Variants in CCDC142 observed in about 807,000 individuals in gnomAD.
CCDC142 encodes the protein coiled-coil domain containing 142, also known as coiled-coil domain-containing protein 142.
A neutral mutation model predicts 83.8 loss-of-function variants in CCDC142; 67 were observed. That is an observed-to-expected ratio of 0.80 (90% CI 0.66 to 0.98). The LOEUF is 0.98. CCDC142 is among the 50% of genes least tolerant of loss of function. CCDC142 has a pLI of 0.00. For missense variants in CCDC142, 905 were observed against 946.8 expected (o/e 0.96, Z 0.58); for synonymous variants, 421 against 421.2 (o/e 1.00, Z 0.01).
rs1327648553 is a variant in CCDC142, at chr2:74,474,561, G to T, written c.2238C>A (p.Thr746=). The T allele has an allele frequency of 1.9e-6, 3 of 1,612,968 alleles. No individual in the cohort carries two copies. The highest frequency in any genetic ancestry group is 2.5e-6 in the Non-Finnish European group (3 of 1,179,594). The change falls in exon 9 of 9, where the codon ACC becomes ACA. Residue 746 remains threonine (T), a synonymous_variant. Transcript: ENST00000393965. ...CCCAGGCTCCTTAGGATTCAGGACT[G>T]GTTCCCAGGCAGGAAAAAAACGGCA... ...WHLPFFSCLG[T]SPES is the part of the protein sequence containing the mutation.
rs1373652802 is a variant in CCDC142 at position 74,473,967 on chromosome 2, T to A, written c.*579A>T. On this transcript the variant is annotated 3_prime_UTR_variant, in exon 9 of 9. Coordinates refer to ENST00000393965, the MANE Select transcript of CCDC142 (RefSeq NM_001365575.2). ...TTGTATTTTTAGTAGAGACGGGGTT[T>A]CTCCATGTTGGTCAGGCTGGTCTGG... 1 of 151,604 alleles carries A rather than the reference T, an allele frequency of 6.6e-6. No individual in the cohort carries two copies. The highest frequency in any genetic ancestry group is 1.5e-5 in the Non-Finnish European group (1 of 68,066). 9.4% of individuals were successfully genotyped at this position (151,604 alleles called of 1,614,324 possible).
chr2:74,481,873 C>T lies in CCDC142; in HGVS notation c.965G>A (p.Gly322Glu), dbSNP rs1315117379. 1 of 1,614,042 alleles carries T rather than the reference C, an allele frequency of 6.2e-7. No individual in the cohort carries two copies. Among genetic ancestry groups the T allele is most frequent in the East Asian group, 2.2e-5 (1 of 44,880 alleles). ...ACAQSLDLNL[G>E]PWRDPRATAQ... is the part of the protein sequence containing the mutation. ...TGTTGCCCTGGGGTCCCTCCAGGGT[C>T]CCAGATTTAGGTCCAGACTCTGAGC... is the stretch of plus-strand genomic sequence containing the variant. Residue 322 changes from glycine (G) to glutamate (E), a missense_variant, in exon 1 of 9, where the codon GGA becomes GAA. Coordinates refer to ENST00000393965, the MANE Select transcript of CCDC142 (RefSeq NM_001365575.2).
chr2:74,482,840 G>T lies in CCDC142; in HGVS notation c.-3C>A, dbSNP rs375612211. ...CCTGAGCGAGACGCCTGGGCCATGG[G>T]GCGGCGGGTCCAGAACGAACCTAAC... On this transcript the variant is annotated 5_prime_UTR_variant, in exon 1 of 9. Coordinates refer to ENST00000393965, the MANE Select transcript of CCDC142 (RefSeq NM_001365575.2). The surrounding 1 kb of genome is among the most constrained non-coding windows in gnomAD (Gnocchi z 5.0). 1.9e-6 allele frequency: 3 copies of T among 1,597,092 alleles called. No individual in the cohort carries two copies. The African/African-American group carries it at 4.0e-5, about 21-fold the overall frequency.
At chr2:74,477,828 T>C (rs114757049) in intron 5 of CCDC142, among the ~76,000 whole-genome samples, 2,030 of 152,130 alleles carry the variant, frequency 0.013, 48 homozygotes, top group African/African-American at 0.046. Context: ...TGCAGATGTT[T>C]AACTAGAACT....
chr2:74,479,366 C>A (rs539710496), intron 5 of CCDC142, among the ~76,000 whole-genome samples: 1 of 152,196 alleles, frequency 6.6e-6, no homozygotes, highest in East Asian at 1.9e-4. Flanking sequence ...AAACAAAAAA[C>A]CAGACATCTT....
chr2:74,478,807 A>G (rs1672382911), intron 5 of CCDC142, among the ~76,000 whole-genome samples: 1 of 150,926 alleles, frequency 6.6e-6, no homozygotes, highest in South Asian at 2.1e-4. Context: ...TGGGTGGATC[A>G]CCTGAGGTCA....
At chr2:74,474,860 A>T in intron 8 of CCDC142, 56 bp downstream of exon 8, 1 of 1,579,000 alleles carries the variant, frequency 6.3e-7, no homozygotes, top group East Asian at 2.2e-5. Flanking sequence ...AGCCAGATTA[A>T]TGGTGAGAAT....
intron 5 of CCDC142, among the ~76,000 whole-genome samples, chr2:74,476,078 CACACACACACACACACACACACACAG>C (rs1241172820): frequency 1.3e-4 from 19 of 150,392 alleles, no homozygotes; most frequent in Admixed American, 1.1e-3. Flanking sequence ...CACACACACA[CACACACACACACACACACACACACAG>C]AGCATATGCC....
intron 5 of CCDC142, among the ~76,000 whole-genome samples, chr2:74,476,681 G>A (rs1672334079): frequency 6.6e-6 from 1 of 152,204 alleles, no homozygotes; most frequent in Non-Finnish European, 1.5e-5. Flanking sequence ...TATATGCTGG[G>A]TTTGTTTCTT....
At position 74,480,826 on chromosome 2, in the gene CCDC142, A is replaced by G. The variant is rs778197713; in HGVS notation, c.1446T>C (p.Ala482=). Residue 482 remains alanine (A), a synonymous_variant, in exon 5 of 9, where the codon GCT becomes GCC. Transcript: ENST00000393965. ...LYSLASEESL[A]LEVEQQLGLE... ...GGCCCAGCTGCTGCTCCACTTCCAG[A>G]GCTAAGCTTTCCTCTGAGGCCAGGC... 25 of 1,613,768 alleles carry G rather than the reference A, an allele frequency of 1.5e-5. No homozygotes were observed. Among genetic ancestry groups the G allele is most frequent in the Non-Finnish European group, 1.9e-5 (23 of 1,179,868 alleles).
chr2:74,482,694 G>A lies in CCDC142; in HGVS notation c.144C>T (p.Ser48=), dbSNP rs747602374. 31 of 1,609,310 alleles carry A rather than the reference G, an allele frequency of 1.9e-5. No individual in the cohort carries two copies. The East Asian group carries it at 4.5e-4, about 23-fold the overall frequency. ...GLRWEVHCWP[S]GTSGGTPWWP... is the part of the protein sequence containing the mutation. ...ACCACGGCGTCCCTCCAGAAGTTCCGCTCGGCCAGCAGTGAACCTCCCAGC... is the reference window on the plus strand; with the variant it reads ...ACCACGGCGTCCCTCCAGAAGTTCCACTCGGCCAGCAGTGAACCTCCCAGC... The change falls in exon 1 of 9, where the codon AGC becomes AGT. Residue 48 remains serine, a synonymous_variant. Coordinates refer to ENST00000393965, the MANE Select transcript of CCDC142 (RefSeq NM_001365575.2). This position sits in a 1 kb window ranked among gnomAD's most constrained non-coding sequence, Gnocchi z 5.0.
chr2:74,479,434 C>T (rs13431949), intron 5 of CCDC142, among the ~76,000 whole-genome samples: 3,538 of 152,254 alleles, frequency 0.023, 148 homozygotes, highest in African/African-American at 0.08. Flanking sequence ...TGGCTTTATT[C>T]ATAAACATAT....
intron 5 of CCDC142, among the ~76,000 whole-genome samples, chr2:74,478,389 T>C (rs1173990747): frequency 6.6e-6 from 1 of 151,228 alleles, no homozygotes; most frequent in Non-Finnish European, 1.5e-5. Flanking sequence ...TCTGTTTTTT[T>C]TTTGAGACAG....
chr2:74,475,521 G>T, intron 6 of CCDC142, 91 bp downstream of exon 6: 1 of 1,440,648 alleles, frequency 6.9e-7, no homozygotes, highest in Non-Finnish European at 9.6e-7. Flanking sequence ...GGACAAGGAT[G>T]GAGACAGTGG....
chr2:74,479,483 G>T (rs1445042612), intron 5 of CCDC142, among the ~76,000 whole-genome samples: 1 of 152,188 alleles, frequency 6.6e-6, no homozygotes, highest in Non-Finnish European at 1.5e-5. Context: ...ATGGATGAAG[G>T]TTACTACTGT....
chr2:74,480,738 AC>A (rs2104017393), intron 5 of CCDC142, 30 bp downstream of exon 5: 1 of 1,512,384 alleles, frequency 6.6e-7, no homozygotes, highest in Admixed American at 1.7e-5. Flanking sequence ...ATAGGGTCTT[AC>A]ACTGCCACTG....
At position 74,481,274 on chromosome 2, in the gene CCDC142, A is replaced by G; in HGVS notation, c.1207T>C (p.Leu403=). The G allele has an allele frequency of 3.7e-6, 6 of 1,614,148 alleles. No individual in the cohort carries two copies. Among genetic ancestry groups the G allele is most frequent in the South Asian group, 1.1e-5 (1 of 91,082 alleles). ...ELLQQLFPPL[L]DALREPRLRR... ...AACCTGGGCTCTCGAAGGGCATCCA[A>G]GAGAGGAGGAAAGAGCTGCTGCAAA... The change falls in exon 3 of 9, where the codon TTG becomes CTG. Residue 403 remains leucine, a synonymous_variant. Coordinates refer to ENST00000393965, the MANE Select transcript of CCDC142 (RefSeq NM_001365575.2).
rs1672248767 is a variant in CCDC142, at chr2:74,473,837, A to G, written c.*709T>C. 1.4e-5 allele frequency: 2 copies of G among 139,616 alleles called. No individual in the cohort carries two copies. The highest frequency in any genetic ancestry group is 4.4e-4 in the South Asian group (2 of 4,540). 8.6% of individuals were successfully genotyped at this position (139,616 alleles called of 1,614,324 possible). On this transcript the variant is annotated 3_prime_UTR_variant, in exon 9 of 9. Transcript: ENST00000393965. Reference sequence around the variant, plus strand: ...GCCCAGGCTGGAGTGCAATGGCACAATCTCGGCTCTCCGCAACCTTCGCCT... The same window carrying G: ...GCCCAGGCTGGAGTGCAATGGCACAGTCTCGGCTCTCCGCAACCTTCGCCT...
At position 74,482,983 on chromosome 2, in the gene CCDC142, G is replaced by A. The variant is rs191802322; in HGVS notation, c.-146C>T. ...ACCTTCATGGACTCTCTCGTGCTCC[G>A]TAATGGGAGGCTTCTGCCCCTAACA... On this transcript the variant is annotated 5_prime_UTR_variant, in exon 1 of 9. It adds an upstream start codon to the 5' untranslated region. Transcript: ENST00000393965. This position sits in a 1 kb window ranked among gnomAD's most constrained non-coding sequence, Gnocchi z 5.0. The A allele has an allele frequency of 2.9e-5, 45 of 1,575,404 alleles. 1 individual carries two copies. In the African/African-American group the frequency reaches 4.8e-4, roughly 17 times the overall value.
Sources: gnomAD v4.1 joint callset for allele counts (sites outside exome capture counted in the v4.1 genomes callset) on GRCh38, gnomAD v4.1.1 for gene constraint, Gnocchi (gnomAD v3.1) non-coding constraint, MANE v1.5 for transcripts, NCBI Gene and HGNC (gene_info 2026-07-23, HGNC 2026-07-21) for gene names.